PPP3CB: variants seen among roughly 807,000 people sequenced by gnomAD.
The protein encoded by PPP3CB is serine/threonine-protein phosphatase 2B catalytic subunit beta isoform.
In PPP3CB, 8 loss-of-function variants were observed where a neutral mutation model predicts 66.4. The observed-to-expected ratio is 0.12, with a 90% CI of 0.07 to 0.22. The LOEUF (loss-of-function observed/expected upper bound fraction) is 0.22. PPP3CB is among the 10% of genes least tolerant of loss of function. The pLI is 1.00. For missense variants in PPP3CB, 319 were observed against 642.5 expected (o/e 0.50, Z 5.44); for synonymous variants, 208 against 221.2 (o/e 0.94, Z 0.53).
At chr10:73,447,508 C>T (rs981433321) in intron 10 of PPP3CB, among the ~76,000 whole-genome samples, 41 of 152,140 alleles carry the variant, frequency 2.7e-4, no homozygotes, top group African/African-American at 9.9e-4. Context: ...ACAATGAAAA[C>T]ACACATGGAA....
intron 10 of PPP3CB, chr10:73,448,728 TG>T (rs1315156572): frequency 1.9e-6 from 1 of 533,230 alleles, no homozygotes; most frequent in South Asian, 1.4e-5. Flanking sequence ...AAGTGAATGA[TG>T]GAGAAAAGGT....
At chr10:73,438,667 C>CA (rs921992515) in intron 13 of PPP3CB, among the ~76,000 whole-genome samples, 6 of 151,838 alleles carry the variant, frequency 4.0e-5, no homozygotes, top group African/African-American at 1.2e-4. Context: ...AATAAAAATA[C>CA]AAAAAAAATG....
Position 73,446,589 on chromosome 10 carries a change from T to C in PPP3CB, c.1187-16A>G. 1 of 1,608,396 alleles carries C rather than the reference T, an allele frequency of 6.2e-7. No individual in the cohort carries two copies. Among genetic ancestry groups the C allele is most frequent in the South Asian group, 1.1e-5 (1 of 90,946 alleles). ...GCAGCTGAACCTACTTTCAATGGAATAAATAGAGAGAAAGGCTCAAGTTTA... is the reference window on the plus strand; with the variant it reads ...GCAGCTGAACCTACTTTCAATGGAACAAATAGAGAGAAAGGCTCAAGTTTA... On this transcript the variant is annotated splice_polypyrimidine_tract_variant and intron_variant, in intron 10 of 13. Coordinates refer to ENST00000360663, the MANE Select transcript of PPP3CB (RefSeq NM_021132.4).
At chr10:73,474,831 G>T in intron 4 of PPP3CB, 88 bp downstream of exon 4, 1 of 1,512,322 alleles carries the variant, frequency 6.6e-7, no homozygotes. Context: ...CTTACATGTT[G>T]CACTGTAAAG....
At chr10:73,472,945 A>T (rs2056726957) in intron 4 of PPP3CB, among the ~76,000 whole-genome samples, 1 of 152,196 alleles carries the variant, frequency 6.6e-6, no homozygotes, top group Admixed American at 6.5e-5. Context: ...GTGGTTTGTT[A>T]TTTATCTAGG....
intron 1 of PPP3CB, among the ~76,000 whole-genome samples, chr10:73,488,214 A>G (rs753404457): frequency 2.6e-5 from 4 of 152,168 alleles, no homozygotes; most frequent in Non-Finnish European, 1.5e-5. Flanking sequence ...TTATACCAAC[A>G]CAAGGACAAT....
intron 10 of PPP3CB, chr10:73,448,629 T>C (rs1377320299): frequency 1.9e-6 from 1 of 533,166 alleles, no homozygotes; most frequent in East Asian, 5.4e-5. Context: ...TATGAAGTCA[T>C]ATTTCAAAAC....
At chr10:73,473,670 A>G (rs1351649852) in intron 4 of PPP3CB, among the ~76,000 whole-genome samples, 1 of 152,022 alleles carries the variant, frequency 6.6e-6, no homozygotes, top group African/African-American at 2.4e-5. Context: ...AAAAATAACA[A>G]AAATAATAAA....
In PPP3CB at chr10:73,436,648, T is replaced by A. The variant is rs1201715550; in HGVS notation, c.*1594A>T. The A allele has an allele frequency of 6.6e-6, 1 of 152,204 alleles. No homozygotes were observed. The highest frequency in any genetic ancestry group is 2.4e-5 in the African/African-American group (1 of 41,456). 9.4% of individuals were successfully genotyped at this position (152,204 alleles called of 1,614,324 possible). ...ACAAGTATATAACAAAAGTTTTTTT[T>A]AAGGCAAAATTTATAAAGAATTTAA... On this transcript the variant is annotated 3_prime_UTR_variant, in exon 14 of 14. Coordinates refer to ENST00000360663, the MANE Select transcript of PPP3CB (RefSeq NM_021132.4).
At position 73,470,977 on chromosome 10, in the gene PPP3CB, AAG is replaced by A. The variant is rs1181407072; in HGVS notation, c.810-15_810-14del. Reference sequence around the variant, plus strand: ...CACTGCTGGATAGCTGTGGGGGAAAAAGAGTAAATTAAGTAAAATAATGGCTT... The same window carrying A: ...CACTGCTGGATAGCTGTGGGGGAAAAAGTAAATTAAGTAAAATAATGGCTT... On this transcript the variant is annotated splice_polypyrimidine_tract_variant and intron_variant, in intron 6 of 13. Transcript: ENST00000360663. 5 of 1,611,354 alleles carry A rather than the reference AAG, an allele frequency of 3.1e-6. No homozygotes were observed. The highest frequency in any genetic ancestry group is 4.2e-6 in the Non-Finnish European group (5 of 1,178,248).
chr10:73,485,953 T>TGTGTGTGTGTGTGTGTGTG (rs577772189), intron 1 of PPP3CB, among the ~76,000 whole-genome samples: 1 of 140,554 alleles, frequency 7.1e-6, no homozygotes, highest in Non-Finnish European at 1.5e-5. Context: ...TGTGTGTGTA[T>TGTGTGTGTGTGTGTGTGTG]TTTTTTTTTT....
chr10:73,491,265 G>A (rs558229036), intron 1 of PPP3CB, among the ~76,000 whole-genome samples: 5 of 151,758 alleles, frequency 3.3e-5, no homozygotes, highest in African/African-American at 7.2e-5. Context: ...TCCTGATCTC[G>A]TGATCCACCT....
At chr10:73,492,194 G>C (rs1318917935) in intron 1 of PPP3CB, among the ~76,000 whole-genome samples, 2 of 152,032 alleles carry the variant, frequency 1.3e-5, no homozygotes, top group African/African-American at 2.4e-5. Flanking sequence ...ATAATTTGAG[G>C]TTACTATAAC....
intron 10 of PPP3CB, among the ~76,000 whole-genome samples, chr10:73,449,046 A>G: frequency 6.6e-6 from 1 of 152,238 alleles, no homozygotes; most frequent in East Asian, 1.9e-4. Flanking sequence ...AATATTGCAC[A>G]TTTATAGTCA....
At chr10:73,456,349 G>C (rs1447061834) in intron 9 of PPP3CB, among the ~76,000 whole-genome samples, 2 of 152,136 alleles carry the variant, frequency 1.3e-5, no homozygotes, top group African/African-American at 4.8e-5. Context: ...ATATGCAAAA[G>C]ACCTGCTGGG....
chr10:73,443,126 G>A (rs963279166), intron 12 of PPP3CB, among the ~76,000 whole-genome samples: 15 of 151,996 alleles, frequency 9.9e-5, no homozygotes, highest in African/African-American at 3.4e-4. Flanking sequence ...TTGAGCCCAG[G>A]AGGTTGAGGC....
At chr10:73,470,068 G>C (rs2056678839) in intron 8 of PPP3CB, among the ~76,000 whole-genome samples, 1 of 152,060 alleles carries the variant, frequency 6.6e-6, no homozygotes, top group African/African-American at 2.4e-5. Flanking sequence ...AATTACTATA[G>C]ACAGGTCAAA....
intron 9 of PPP3CB, among the ~76,000 whole-genome samples, chr10:73,457,166 C>T (rs2056440194): frequency 6.7e-6 from 1 of 148,186 alleles, no homozygotes; most frequent in Admixed American, 6.9e-5. Flanking sequence ...CCTGTAATCC[C>T]AGCTACCTGG....
At chr10:73,494,651 A>T (rs2057146511) in intron 1 of PPP3CB, among the ~76,000 whole-genome samples, 1 of 140,438 alleles carries the variant, frequency 7.1e-6, no homozygotes, top group Non-Finnish European at 1.5e-5. Flanking sequence ...ATTTTTAATT[A>T]AAAAAAAAAA....
Sources: allele counts gnomAD v4.1 joint callset (sites outside exome capture counted in the v4.1 genomes callset), GRCh38; gene constraint gnomAD v4.1.1; transcripts MANE v1.5; gene names NCBI Gene and HGNC (gene_info 2026-07-23, HGNC 2026-07-21).